The following MAN2C1 variants were observed in gnomAD, a reference collection of about 807,000 sequenced individuals.
The protein encoded by MAN2C1 is alpha-mannosidase 2C1.
In MAN2C1, 111 loss-of-function variants were observed where a neutral mutation model predicts 126.9. The ratio of observed to expected loss-of-function variants is 0.87; its 90% CI spans 0.75 to 1.02. MAN2C1 has a LOEUF of 1.02. Among genes scored for constraint, MAN2C1 ranks in the 50% least tolerant of loss-of-function variants. The pLI is 0.00. For missense variants in MAN2C1, 1,363 were observed against 1,364.4 expected (o/e 1.00, Z 0.02); for synonymous variants, 567 against 561.5 (o/e 1.01, Z -0.14).
intron 14 of MAN2C1, 37 bp from the exon 15 acceptor site, chr15:75,360,025 G>A: frequency 5.6e-6 from 9 of 1,613,890 alleles, no homozygotes; most frequent in African/African-American, 1.3e-5. Flanking sequence ...AAGGCTGGGA[G>A]GGGCAGGCAC....
intron 4 of MAN2C1, chr15:75,366,114 TTAA>T (rs1299847751): frequency 3.2e-6 from 1 of 315,968 alleles, no homozygotes; most frequent in South Asian, 2.5e-5. Flanking sequence ...TGCTGAGATG[TTAA>T]TAATGTTCAT....
Position 75,356,738 on chromosome 15 carries a change from C to A in MAN2C1, c.2658-53G>T. 1 of 1,612,214 alleles carries A rather than the reference C, an allele frequency of 6.2e-7. No individual in the cohort carries two copies. The highest frequency in any genetic ancestry group is 1.1e-5 in the South Asian group (1 of 90,984). On this transcript the variant is annotated intron_variant, in intron 22 of 25. Coordinates refer to ENST00000267978, the MANE Select transcript of MAN2C1 (RefSeq NM_006715.4). This position sits in a 1 kb window ranked among gnomAD's most constrained non-coding sequence, Gnocchi z 5.8. Reference sequence around the variant, plus strand: ...ACGCTGAAGCTGTTGGAGTTGTGGTCGGGAAGACCCATTTCTCCATGCCAG... The same window carrying A: ...ACGCTGAAGCTGTTGGAGTTGTGGTAGGGAAGACCCATTTCTCCATGCCAG...
chr15:75,362,952 G>C lies in MAN2C1; in HGVS notation c.791-204C>G. ...GGGAAAGGAGGCGGCAGTGCTATGA[G>C]GCCAATTATACAGGTCAGGAAATGG... On this transcript the variant is annotated intron_variant, in intron 6 of 25. Transcript: ENST00000267978. The surrounding 1 kb of genome is among the most constrained non-coding windows in gnomAD (Gnocchi z 4.5). 1.0e-5 allele frequency: 6 copies of C among 577,522 alleles called. No homozygotes were observed. Among genetic ancestry groups the C allele is most frequent in the Non-Finnish European group, 1.9e-5 (6 of 322,594 alleles). The allele number at this position is 577,522 out of a possible 1,614,324, so 35.8% of individuals were successfully genotyped here.
At chr15:75,364,736 C>T in intron 4 of MAN2C1, 71 bp from the exon 5 acceptor site, 1 of 1,391,096 alleles carries the variant, frequency 7.2e-7, no homozygotes, top group South Asian at 1.5e-5. Context: ...GGAAGGGGCA[C>T]CCAGGAGGCA....
In MAN2C1 at chr15:75,358,472, A is replaced by AAGCGGACATAGGGGC; in HGVS notation, c.2378_2392dup (p.Cys793_Arg797dup). ...CTACCCCCCGACTACCTCGGTGTGG[A>AAGCGGACATAGGGGC]AGCGGACATAGGGGCAGCCAACGTC... On this transcript the variant is annotated inframe_insertion, in exon 20 of 26. Transcript: ENST00000267978. 1 of 1,613,524 alleles carries AAGCGGACATAGGGGC rather than the reference A, an allele frequency of 6.2e-7. No homozygotes were observed. Among genetic ancestry groups the AAGCGGACATAGGGGC allele is most frequent in the Non-Finnish European group, 8.5e-7 (1 of 1,179,972 alleles).
intron 4 of MAN2C1, among the ~76,000 whole-genome samples, chr15:75,365,364 G>A (rs1343721265): frequency 2.0e-5 from 3 of 152,244 alleles, no homozygotes; most frequent in East Asian, 1.9e-4. Flanking sequence ...TTTTAATGGT[G>A]TCATAAAATG....
chr15:75,361,173 T>C lies in MAN2C1; in HGVS notation c.1333A>G (p.Asn445Asp). The C allele has an allele frequency of 1.9e-6, 3 of 1,613,098 alleles. No homozygotes were observed. Among genetic ancestry groups the C allele is most frequent in the Middle Eastern group, 1.7e-4 (1 of 6,058 alleles). Reference sequence around the variant, plus strand: ...TTGGCCCGCCCCTTGTCCCGGTTGTTGGCCACGGTCTTCAGCACCTAGACA... The same window carrying C: ...TTGGCCCGCCCCTTGTCCCGGTTGTCGGCCACGGTCTTCAGCACCTAGACA... Reference protein sequence around the residue: ...SVEEVLKTVANNRDKGRANHS... With the variant: ...SVEEVLKTVADNRDKGRANHS... Residue 445 changes from asparagine (N) to aspartate (D), a missense_variant, in exon 12 of 26, where the codon AAC becomes GAC. Transcript: ENST00000267978. The surrounding 1 kb of genome is among the most constrained non-coding windows in gnomAD (Gnocchi z 5.0).
chr15:75,359,428 G>A lies in MAN2C1; in HGVS notation c.1949-3C>T, dbSNP rs1484316145. 1 of 1,608,104 alleles carries A rather than the reference G, an allele frequency of 6.2e-7. No individual in the cohort carries two copies. Among genetic ancestry groups the A allele is most frequent in the African/African-American group, 1.3e-5 (1 of 74,964 alleles). On this transcript the variant is annotated splice_polypyrimidine_tract_variant and splice_region_variant and intron_variant, in intron 16 of 25. Coordinates refer to ENST00000267978, the MANE Select transcript of MAN2C1 (RefSeq NM_006715.4). Reference sequence around the variant, plus strand: ...CATGCTGGGCACTGTCACCAGGGCTGGGGGTGAGGCCTGGGCATCAGTGCA... The same window carrying A: ...CATGCTGGGCACTGTCACCAGGGCTAGGGGTGAGGCCTGGGCATCAGTGCA...
At chr15:75,357,579 TTATAGGCCTGAGAACACTG>T (rs1356043570) in intron 21 of MAN2C1, among the ~76,000 whole-genome samples, 7 of 151,624 alleles carry the variant, frequency 4.6e-5, no homozygotes, top group Admixed American at 3.3e-4. Flanking sequence ...AGTGCTGGGA[TTATAGGCCTGAGAACACTG>T]CGCCTGGCCA....
chr15:75,359,502 G>T, intron 16 of MAN2C1, 77 bp from the exon 17 acceptor site: 1 of 1,560,054 alleles, frequency 6.4e-7, no homozygotes. Flanking sequence ...TGGGTTGGTG[G>T]AAGATGTGCT....
In MAN2C1 at chr15:75,356,320, A is replaced by T; in HGVS notation, c.2867T>A (p.Val956Glu). 2 of 1,611,366 alleles carry T rather than the reference A, an allele frequency of 1.2e-6. No individual in the cohort carries two copies. Among genetic ancestry groups the T allele is most frequent in the Non-Finnish European group, 1.7e-6 (2 of 1,179,236 alleles). The stretch of plus-strand genomic sequence containing the variant: ...CCTTGCCTGCTTGACGGTCTCCAAT[A>T]CGACCGCGGGTGAAGACACGGAAAA... ...SAFSVSSPAV[V>E]LETVKQAESS... Residue 956 changes from valine (V) to glutamate (E), a missense_variant, in exon 24 of 26, where the codon GTA becomes GAA. Transcript: ENST00000267978. This position sits in a 1 kb window ranked among gnomAD's most constrained non-coding sequence, Gnocchi z 5.8.
At chr15:75,367,738 A>T in intron 2 of MAN2C1, 104 bp from the exon 3 acceptor site, 1 of 1,427,244 alleles carries the variant, frequency 7.0e-7, no homozygotes, top group Non-Finnish European at 9.6e-7. Context: ...AAGCATCTGC[A>T]GTGTCACAAG....
chr15:75,361,397 C>T lies in MAN2C1; in HGVS notation c.1219-16G>A. 4 of 1,551,718 alleles carry T rather than the reference C, an allele frequency of 2.6e-6. No homozygotes were observed. Among genetic ancestry groups the T allele is most frequent in the Non-Finnish European group, 2.6e-6 (3 of 1,141,658 alleles). On this transcript the variant is annotated splice_polypyrimidine_tract_variant and intron_variant, in intron 10 of 25. Coordinates refer to ENST00000267978, the MANE Select transcript of MAN2C1 (RefSeq NM_006715.4). The surrounding 1 kb of genome is among the most constrained non-coding windows in gnomAD (Gnocchi z 5.0). ...ATGTATGGTGCTACCAGCAGGGAAA[C>T]AGAAGCAGGGCAGAGAGGCCAGAGT...
chr15:75,363,957 C>A (rs2072526569), intron 6 of MAN2C1, 42 bp downstream of exon 6: 2 of 1,606,146 alleles, frequency 1.2e-6, no homozygotes, highest in Non-Finnish European at 1.7e-6. Flanking sequence ...TCTTCAAGGG[C>A]ACTCCTGCTT....
intron 4 of MAN2C1, chr15:75,365,922 C>T: frequency 2.3e-6 from 1 of 436,216 alleles, no homozygotes; most frequent in Non-Finnish European, 4.5e-6. Flanking sequence ...CTTTCTCTAC[C>T]AAAAATAAAA....
chr15:75,361,267 A>G lies in MAN2C1; in HGVS notation c.1314+19T>C, dbSNP rs527261791. On this transcript the variant is annotated intron_variant, in intron 11 of 25. Transcript: ENST00000267978. The surrounding 1 kb of genome is among the most constrained non-coding windows in gnomAD (Gnocchi z 5.0). ...CTCTCCAGCCTGCCCCTACCCCACC[A>G]CCCTAGGTGACCCCTCACCTCCTCC... The G allele has an allele frequency of 9.0e-5, 141 of 1,574,200 alleles. 2 individuals are homozygous for G. In the South Asian group the frequency reaches 1.6e-3, roughly 18 times the overall value.
Position 75,356,513 on chromosome 15 carries a change from GGGGCAGGAAGCCA to G in MAN2C1, c.2738-77_2738-65del. 6.4e-7 allele frequency: 1 copy of G among 1,558,856 alleles called. No individual in the cohort carries two copies. The highest frequency in any genetic ancestry group is 8.7e-7 in the Non-Finnish European group (1 of 1,151,210). The stretch of plus-strand genomic sequence containing the variant: ...GGGCTACCCTCCCCTGTCCCTAGAA[GGGGCAGGAAGCCA>G]GGTTGCTGGGGTTTGGGCTCAGGGA... On this transcript the variant is annotated intron_variant, in intron 23 of 25. Coordinates refer to ENST00000267978, the MANE Select transcript of MAN2C1 (RefSeq NM_006715.4). The surrounding 1 kb of genome is among the most constrained non-coding windows in gnomAD (Gnocchi z 5.8).
rs1335022158 is a variant in MAN2C1 at position 75,359,705 on chromosome 15, A to G, written c.1863T>C (p.Pro621=). 60 of 1,614,046 alleles carry G rather than the reference A, an allele frequency of 3.7e-5. No individual in the cohort carries two copies. The highest frequency in any genetic ancestry group is 4.9e-5 in the Non-Finnish European group (58 of 1,180,038). Residue 621 remains proline, a synonymous_variant, in exon 16 of 26, where the codon CCT becomes CCC. Transcript: ENST00000267978. ...GTGTGTTGACGATGAGGAGGCCCTCAGGACCTGGCTCCCCAGCACACAGGG... is the reference window on the plus strand; with the variant it reads ...GTGTGTTGACGATGAGGAGGCCCTCGGGACCTGGCTCCCCAGCACACAGGG... ...AAALCAGEPG[P]EGLLIVNTLP...
In MAN2C1 at chr15:75,361,678, G is replaced by T; in HGVS notation, c.1144C>A (p.Gln382Lys). 6.2e-7 allele frequency: 1 copy of T among 1,613,998 alleles called. No homozygotes were observed. The highest frequency in any genetic ancestry group is 8.5e-7 in the Non-Finnish European group (1 of 1,180,006). ...DTFGYSAQLP[Q>K]IMHGCGIRRF... ...CTGATGCCACAGCCGTGCATGATCTGGGGGAGCTGTGCTGAGTAGCCAAAG... is the reference window on the plus strand; with the variant it reads ...CTGATGCCACAGCCGTGCATGATCTTGGGGAGCTGTGCTGAGTAGCCAAAG... Residue 382 changes from glutamine to lysine, a missense_variant, in exon 10 of 26, where the codon CAG (glutamine) becomes AAG (lysine). Coordinates refer to ENST00000267978, the MANE Select transcript of MAN2C1 (RefSeq NM_006715.4). The surrounding 1 kb of genome is among the most constrained non-coding windows in gnomAD (Gnocchi z 5.0).
Sources: allele counts gnomAD v4.1 joint callset (sites outside exome capture counted in the v4.1 genomes callset), GRCh38; gene constraint gnomAD v4.1.1; non-coding constraint Gnocchi (gnomAD v3.1); transcripts MANE v1.5; gene names NCBI Gene and HGNC (gene_info 2026-07-23, HGNC 2026-07-21).